The following FRYL variants were observed in gnomAD, a reference collection of about 807,000 sequenced individuals.
FRYL encodes the protein FRY like transcription coactivator.
FRYL carries 150 observed loss-of-function variants against 351.2 expected under a neutral mutation model. The ratio of observed to expected loss-of-function variants is 0.43; its 90% CI spans 0.37 to 0.49. FRYL has a LOEUF of 0.49. Among genes scored for constraint, FRYL ranks in the 20% least tolerant of loss-of-function variants. The probability of loss-of-function intolerance (pLI) is 0.00; values close to 1 mark genes in which losing one functional copy is unlikely to be tolerated. For synonymous variants in FRYL, 1,153 were observed against 1,257.1 expected (o/e 0.92, Z 1.75); for missense variants, 3,036 against 3,619.3 (o/e 0.84, Z 4.13).
At chr4:48,599,558 T>G (rs185924489) in intron 13 of FRYL, among the ~76,000 whole-genome samples, 1 of 152,206 alleles carries the variant, frequency 6.6e-6, no homozygotes, top group Non-Finnish European at 1.5e-5. Flanking sequence ...CCTCAAATTA[T>G]TGCTAACATG....
chr4:48,619,087 T>C, intron 7 of FRYL, 187 bp downstream of exon 7: 1 of 443,784 alleles, frequency 2.3e-6, no homozygotes, highest in Non-Finnish European at 4.0e-6. Context: ...AGGTAAAAAA[T>C]AGAGGAGATA....
At chr4:48,761,900 G>A (rs1158620935) in intron 1 of FRYL, among the ~76,000 whole-genome samples, 1 of 152,148 alleles carries the variant, frequency 6.6e-6, no homozygotes, top group Non-Finnish European at 1.5e-5. Context: ...TTCTCAGAAT[G>A]TATCCCCATT....
intron 3 of FRYL, among the ~76,000 whole-genome samples, chr4:48,640,576 C>T (rs1478624824): frequency 6.6e-6 from 1 of 152,086 alleles, no homozygotes; most frequent in South Asian, 2.1e-4. Flanking sequence ...ATGGTGGATA[C>T]ATGTCATTAT....
At chr4:48,505,700 G>A (rs1720761859) in intron 59 of FRYL, 85 bp from the exon 60 acceptor site, 2 of 809,946 alleles carry the variant, frequency 2.5e-6, no homozygotes, top group African/African-American at 3.4e-5. Flanking sequence ...CAAACTTAAA[G>A]TTAACTTGAA....
chr4:48,589,262 C>T (rs1454883193), intron 18 of FRYL, among the ~76,000 whole-genome samples: 3 of 151,928 alleles, frequency 2.0e-5, no homozygotes, highest in Non-Finnish European at 4.4e-5. Flanking sequence ...AATGACAAGG[C>T]CCTTGGGGTG....
intron 7 of FRYL, among the ~76,000 whole-genome samples, chr4:48,614,464 G>A (rs1017782781): frequency 2.0e-5 from 3 of 152,140 alleles, no homozygotes; most frequent in Non-Finnish European, 2.9e-5. Flanking sequence ...GCACACGCCT[G>A]TAATCCCTGC....
Position 48,596,105 on chromosome 4 carries a change from T to A in FRYL, c.1036-105A>T, listed in dbSNP as rs61477005. 3,565 of 737,666 alleles carry A rather than the reference T, an allele frequency of 4.8e-3. 192 individuals are homozygous for A. The East Asian group carries it at 0.097, about 20-fold the overall frequency. The allele number at this position is 737,666 out of a possible 1,614,324, so 45.7% of individuals were successfully genotyped here. On this transcript the variant is annotated intron_variant, in intron 13 of 63. Transcript: ENST00000358350. Reference sequence around the variant, plus strand: ...AAAAGCCAATCTTTTTTGTATTCAGTCTAAAATAGGTTTAAATACCAGGTA... The same window carrying A: ...AAAAGCCAATCTTTTTTGTATTCAGACTAAAATAGGTTTAAATACCAGGTA...
intron 52 of FRYL, 70 bp from the exon 53 acceptor site, chr4:48,527,723 T>C (rs1726573093): frequency 7.0e-7 from 1 of 1,436,042 alleles, no homozygotes; most frequent in African/African-American, 1.4e-5. Flanking sequence ...GAGGTATCAG[T>C]ACCCCAAAGC....
At chr4:48,572,190 A>G (rs1738483471) in intron 26 of FRYL, among the ~76,000 whole-genome samples, 3 of 152,314 alleles carry the variant, frequency 2.0e-5, no homozygotes, top group Admixed American at 6.5e-5. Context: ...GTTCTACAGC[A>G]GACTCATCTA....
chr4:48,627,122 C>T (rs1398944783), intron 4 of FRYL, among the ~76,000 whole-genome samples: 1 of 152,036 alleles, frequency 6.6e-6, no homozygotes, highest in Admixed American at 6.5e-5. Flanking sequence ...GTGAAACAGT[C>T]AGTATGTCTC....
intron 36 of FRYL, among the ~76,000 whole-genome samples, 164 bp from the exon 37 acceptor site, chr4:48,551,742 A>C (rs369502688): frequency 3.9e-5 from 6 of 152,356 alleles, no homozygotes; most frequent in African/African-American, 1.4e-4. Context: ...AGGACATAAG[A>C]CAAACAAATT....
At chr4:48,514,376 G>C in intron 56 of FRYL, among the ~76,000 whole-genome samples, 1 of 151,950 alleles carries the variant, frequency 6.6e-6, no homozygotes. Context: ...AGAATTATTT[G>C]GTTTAAGAGT....
intron 59 of FRYL, 71 bp downstream of exon 59, chr4:48,509,988 T>C: frequency 1.0e-6 from 1 of 1,003,608 alleles, no homozygotes; most frequent in South Asian, 1.3e-5. Flanking sequence ...GTCTGGGCTA[T>C]TCTGCTGCCA....
chr4:48,549,627 T>C lies in FRYL; in HGVS notation c.4634-4A>G, dbSNP rs1207698979. On this transcript the variant is annotated splice_region_variant and splice_polypyrimidine_tract_variant and intron_variant, in intron 38 of 63. Coordinates refer to ENST00000358350, the MANE Select transcript of FRYL (RefSeq NM_015030.2). The surrounding 1 kb of genome is among the most constrained non-coding windows in gnomAD (Gnocchi z 4.2). ...GAATAAAGTGGCATTGAATCACCTA[T>C]CAAGATAAAATGATCTCATTTTCTA... 3.7e-6 allele frequency: 6 copies of C among 1,607,182 alleles called. No individual in the cohort carries two copies. Among genetic ancestry groups the C allele is most frequent in the South Asian group, 2.2e-5 (2 of 89,428 alleles).
intron 1 of FRYL, among the ~76,000 whole-genome samples, chr4:48,752,956 T>C (rs748201089): frequency 3.9e-5 from 6 of 151,922 alleles, no homozygotes; most frequent in Admixed American, 1.3e-4. Flanking sequence ...TGGAGTCCGT[T>C]AATTGCAGCC....
At chr4:48,664,537 TAGA>T (rs1761386013) in intron 3 of FRYL, among the ~76,000 whole-genome samples, 2 of 152,144 alleles carry the variant, frequency 1.3e-5, no homozygotes, top group African/African-American at 2.4e-5. Flanking sequence ...GCGGACTCAG[TAGA>T]AGGTCATGCT....
chr4:48,595,521 G>GTGATTCAAAT, intron 15 of FRYL, 69 bp downstream of exon 15: 1 of 836,748 alleles, frequency 1.2e-6, no homozygotes, highest in Non-Finnish European at 1.8e-6. Context: ...AAATTTCAAA[G>GTGATTCAAAT]CTCCAAGTGA....
At chr4:48,593,800 T>C in intron 16 of FRYL, 130 bp downstream of exon 16, 1 of 473,522 alleles carries the variant, frequency 2.1e-6, no homozygotes, top group Non-Finnish European at 3.7e-6. Flanking sequence ...AAAGGTTAAG[T>C]AACTTGTCCT....
chr4:48,628,431 C>CGTGCGTGTGT (rs1553956082), intron 4 of FRYL, among the ~76,000 whole-genome samples: 1 of 144,662 alleles, frequency 6.9e-6, no homozygotes, highest in Non-Finnish European at 1.5e-5. Context: ...CCTTCATTTG[C>CGTGCGTGTGT]GTGTGTGTGT....
Sources: allele counts gnomAD v4.1 joint callset (sites outside exome capture counted in the v4.1 genomes callset), GRCh38; gene constraint gnomAD v4.1.1; non-coding constraint Gnocchi (gnomAD v3.1); transcripts MANE v1.5; gene names NCBI Gene and HGNC (gene_info 2026-07-23, HGNC 2026-07-21).